DDX10: variants seen among roughly 807,000 people sequenced by gnomAD.
DDX10 encodes the protein probable ATP-dependent RNA helicase DDX10.
Under a neutral mutation model 104.3 loss-of-function variants are expected in DDX10, and 74 were observed. The ratio of observed to expected loss-of-function variants is 0.71; its 90% CI spans 0.59 to 0.86. The LOEUF (loss-of-function observed/expected upper bound fraction) is 0.86. DDX10 is among the 40% of genes least tolerant of loss of function. The pLI is 0.00. For missense variants in DDX10, 952 were observed against 1,040.0 expected (o/e 0.92, Z 1.16); for synonymous variants, 351 against 353.4 (o/e 0.99, Z 0.08).
At chr11:108,670,236 AG>A (rs1476102659) in intron 1 of DDX10, among the ~76,000 whole-genome samples, 3 of 152,092 alleles carry the variant, frequency 2.0e-5, no homozygotes, top group Admixed American at 1.3e-4. Context: ...GTCCTTTGAG[AG>A]GCAGATGACA....
intron 13 of DDX10, among the ~76,000 whole-genome samples, chr11:108,730,994 A>G (rs2094311439): frequency 1.3e-5 from 2 of 152,180 alleles, no homozygotes; most frequent in Non-Finnish European, 2.9e-5. Context: ...AGTACTGTGC[A>G]CAAACAGTAG....
chr11:108,713,849 G>A (rs544695432), intron 10 of DDX10, among the ~76,000 whole-genome samples: 1 of 152,158 alleles, frequency 6.6e-6, no homozygotes, highest in Non-Finnish European at 1.5e-5. Context: ...CCTATAGTAG[G>A]TCTCAGTCTT....
rs371069385 is a variant in DDX10, at chr11:108,881,673, G to A, written c.2304+29464G>A. On this transcript the variant is annotated intron_variant, in intron 16 of 17. Coordinates refer to ENST00000322536, the MANE Select transcript of DDX10 (RefSeq NM_004398.4). ...AATAGGCTTTATGTTAGATGATTTC[G>A]CTCAATGATAGGCTAATGAAAGCAT... Among the ~76,000 whole-genome samples, 423 of 152,184 alleles carry A rather than the reference G, an allele frequency of 2.8e-3. 1 individual carries two copies. Among genetic ancestry groups the A allele is most frequent in the African/African-American group, 9.6e-3 (399 of 41,538 alleles).
At chr11:108,729,852 A>G (rs374998295) in intron 13 of DDX10, 8 of 152,328 alleles carry the variant, frequency 5.3e-5, no homozygotes, top group South Asian at 4.1e-4. Context: ...TTGGTCTGCA[A>G]ATTCTTTAAT....
At chr11:108,919,695 A>G (rs1256526507) in intron 17 of DDX10, 1 of 152,138 alleles carries the variant, frequency 6.6e-6, no homozygotes, top group African/African-American at 2.4e-5. Flanking sequence ...AAAATAGTCA[A>G]CCTTTGAAAC....
chr11:108,695,951 C>T (rs1463781386), intron 9 of DDX10, among the ~76,000 whole-genome samples: 1 of 152,022 alleles, frequency 6.6e-6, no homozygotes, highest in African/African-American at 2.4e-5. Flanking sequence ...AAAAATAAGT[C>T]TTTTAATTGC....
At chr11:108,838,168 T>C (rs1359903580) in intron 13 of DDX10, among the ~76,000 whole-genome samples, 2 of 152,192 alleles carry the variant, frequency 1.3e-5, no homozygotes, top group Non-Finnish European at 2.9e-5. Flanking sequence ...TTTTAGTCCT[T>C]AAATATTATC....
chr11:108,674,858 A>G (rs1222801195), intron 2 of DDX10, among the ~76,000 whole-genome samples: 1 of 152,144 alleles, frequency 6.6e-6, no homozygotes, highest in African/African-American at 2.4e-5. Flanking sequence ...GAAATTTTGT[A>G]TGTTTGATGA....
intron 16 of DDX10, among the ~76,000 whole-genome samples, chr11:108,890,229 T>C (rs1260863471): frequency 6.6e-6 from 1 of 152,006 alleles, no homozygotes; most frequent in Admixed American, 6.6e-5. Flanking sequence ...GAGGAAAAAA[T>C]ATGAAATATG....
At chr11:108,795,095 T>C (rs1304781234) in intron 13 of DDX10, among the ~76,000 whole-genome samples, 3 of 152,156 alleles carry the variant, frequency 2.0e-5, no homozygotes, top group Non-Finnish European at 4.4e-5. Flanking sequence ...GCCAAAGTGC[T>C]AGGATTTACA....
At chr11:108,740,456 A>G (rs2094323820) in intron 13 of DDX10, among the ~76,000 whole-genome samples, 1 of 152,152 alleles carries the variant, frequency 6.6e-6, no homozygotes, top group Non-Finnish European at 1.5e-5. Context: ...ATACGTATAC[A>G]TGTGTCTTTA....
chr11:108,786,150 G>T (rs948081071), intron 13 of DDX10, among the ~76,000 whole-genome samples: 2 of 151,916 alleles, frequency 1.3e-5, no homozygotes, highest in African/African-American at 2.4e-5. Flanking sequence ...CTATGTTTTT[G>T]TGTTATTTTT....
chr11:108,911,906 T>A lies in DDX10; in HGVS notation c.2305-5967T>A, dbSNP rs575944625. Among the ~76,000 whole-genome samples, 21 of 152,266 alleles carry A rather than the reference T, an allele frequency of 1.4e-4. No homozygotes were observed. The South Asian group carries it at 1.9e-3, about 14-fold the overall frequency. On this transcript the variant is annotated intron_variant, in intron 16 of 17. Transcript: ENST00000322536. ...GTGGGGGACACAAACATTCAGACCG[T>A]AGCATGTTTTTGTAAGGCATCCTCT... is the stretch of plus-strand genomic sequence containing the variant.
chr11:108,934,145 A>C (rs10789693), intron 17 of DDX10, among the ~76,000 whole-genome samples: 1 of 152,112 alleles, frequency 6.6e-6, no homozygotes. Flanking sequence ...GAGCTGGATC[A>C]GGTGAAGGAG....
chr11:108,699,765 A>C (rs1032317032), intron 9 of DDX10, among the ~76,000 whole-genome samples: 2 of 152,178 alleles, frequency 1.3e-5, no homozygotes, highest in African/African-American at 4.8e-5. Context: ...ACCACACCCA[A>C]CGTCAAATTT....
chr11:108,809,050 A>G lies in DDX10; in HGVS notation c.1966-29396A>G, dbSNP rs571042555. Among the ~76,000 whole-genome samples the G allele has an allele frequency of 5.9e-5, 9 of 151,958 alleles. No homozygotes were observed. In the East Asian group the frequency reaches 1.7e-3, roughly 29 times the overall value. On this transcript the variant is annotated intron_variant, in intron 13 of 17. Coordinates refer to ENST00000322536, the MANE Select transcript of DDX10 (RefSeq NM_004398.4). ...TTTTTTTCAGGAAATGCTAGTTTTT[A>G]CTAGCACTGATCTTAAAATAATTAT... is the stretch of plus-strand genomic sequence containing the variant.
At chr11:108,837,241 A>G (rs919383542) in intron 13 of DDX10, among the ~76,000 whole-genome samples, 6 of 152,394 alleles carry the variant, frequency 3.9e-5, no homozygotes, top group Admixed American at 3.3e-4. Context: ...CTAATCTCAT[A>G]TAGCTTATTA....
intron 9 of DDX10, among the ~76,000 whole-genome samples, chr11:108,705,187 T>G (rs2094274108): frequency 6.6e-6 from 1 of 152,206 alleles, no homozygotes; most frequent in Admixed American, 6.5e-5. Context: ...CTCTTTTTCT[T>G]ATTCACTCTT....
At chr11:108,750,226 T>C (rs2134504358) in intron 13 of DDX10, among the ~76,000 whole-genome samples, 1 of 152,300 alleles carries the variant, frequency 6.6e-6, no homozygotes, top group East Asian at 1.9e-4. Context: ...AAAGCTAACC[T>C]CAAAGGTTTT....
Sources: gnomAD v4.1 joint callset for allele counts (sites outside exome capture counted in the v4.1 genomes callset) on GRCh38, gnomAD v4.1.1 for gene constraint, MANE v1.5 for transcripts, NCBI Gene and HGNC (gene_info 2026-07-23, HGNC 2026-07-21) for gene names.